Variants in ERC2 observed in about 807,000 individuals in gnomAD.
The protein encoded by ERC2 is ERC protein 2.
A neutral mutation model predicts 114.8 loss-of-function variants in ERC2; 42 were observed. The ratio of observed to expected loss-of-function variants is 0.37; its 90% CI spans 0.29 to 0.47. The LOEUF is 0.47. Ranked by LOEUF, ERC2 falls within the 20% of genes least tolerant of loss-of-function variation. ERC2 has a pLI of 0.99. For missense variants in ERC2, 939 were observed against 1,150.7 expected (o/e 0.82, Z 2.66); for synonymous variants, 454 against 425.5 (o/e 1.07, Z -0.82).
intron 13 of ERC2, among the ~76,000 whole-genome samples, chr3:55,928,934 T>C (rs1391948289): frequency 6.6e-6 from 1 of 152,200 alleles, no homozygotes; most frequent in Non-Finnish European, 1.5e-5. Flanking sequence ...TCTGGATCTA[T>C]TTCCAGGTTC....
chr3:56,353,341 C>T (rs1462354354), intron 2 of ERC2, among the ~76,000 whole-genome samples: 1 of 151,956 alleles, frequency 6.6e-6, no homozygotes, highest in Admixed American at 6.6e-5. Flanking sequence ...CACTTAAAAT[C>T]TAAAGTAATG....
rs78992002 is a variant in ERC2 at position 55,873,773 on chromosome 3, C to T, written c.2564+14616G>A. On this transcript the variant is annotated intron_variant, in intron 14 of 17. Transcript: ENST00000288221. ...TATGGACAAACTCCCCTTGACCCCA[C>T]CCACCATCCCCACCCCTTCACCTAA... 0.033 allele frequency among the ~76,000 whole-genome samples: 4,984 copies of T among 152,142 alleles called. 523 individuals are homozygous for T. The East Asian group carries it at 0.37, about 11-fold the overall frequency.
intron 10 of ERC2, among the ~76,000 whole-genome samples, chr3:55,992,488 T>A (rs1303076358): frequency 6.6e-6 from 1 of 152,226 alleles, no homozygotes; most frequent in Non-Finnish European, 1.5e-5. Flanking sequence ...ATTGATATTT[T>A]GTTCCATTAA....
chr3:55,948,137 A>G (rs369083438), intron 13 of ERC2, among the ~76,000 whole-genome samples: 36 of 152,300 alleles, frequency 2.4e-4, no homozygotes, highest in African/African-American at 7.7e-4. Context: ...CTTTCATACC[A>G]ACTAGTTGAA....
chr3:56,104,304 C>T (rs1034432429), intron 6 of ERC2, among the ~76,000 whole-genome samples: 4 of 152,218 alleles, frequency 2.6e-5, no homozygotes, highest in African/African-American at 7.2e-5. Context: ...TCGCAACTCT[C>T]TTCAAGACCC....
rs1362341853 is a variant in ERC2, at chr3:56,080,811, A to G, written c.1641+6T>C. 6.2e-7 allele frequency: 1 copy of G among 1,612,652 alleles called. No individual in the cohort carries two copies. Among genetic ancestry groups the G allele is most frequent in the East Asian group, 2.2e-5 (1 of 44,866 alleles). On this transcript the variant is annotated splice_donor_region_variant and intron_variant, in intron 7 of 17. Transcript: ENST00000288221. ...CCCACTTGAAGGTCTTATGTCAGCT[A>G]CTCACCTTTTTCTGAAGAACATTGA...
chr3:56,308,206 T>C (rs972897016), intron 2 of ERC2, among the ~76,000 whole-genome samples: 1 of 152,156 alleles, frequency 6.6e-6, no homozygotes, highest in African/African-American at 2.4e-5. Context: ...TGCAATCACA[T>C]CATTAGCAGA....
intron 17 of ERC2, among the ~76,000 whole-genome samples, chr3:55,664,462 G>A (rs2061272169): frequency 1.3e-5 from 2 of 152,154 alleles, no homozygotes; most frequent in Non-Finnish European, 1.5e-5. Context: ...GGCACAGAGG[G>A]CACCCCCACT....
intron 6 of ERC2, among the ~76,000 whole-genome samples, chr3:56,125,133 G>A (rs2149870751): frequency 6.6e-6 from 1 of 152,186 alleles, no homozygotes; most frequent in South Asian, 2.1e-4. Flanking sequence ...ATCTGCTTCA[G>A]CCTGGAGAAA....
At chr3:56,207,180 C>T (rs1026469221) in intron 3 of ERC2, among the ~76,000 whole-genome samples, 2 of 151,338 alleles carry the variant, frequency 1.3e-5, no homozygotes, top group African/African-American at 4.9e-5. Flanking sequence ...AATATGTTTG[C>T]TGTGGGCATC....
intron 4 of ERC2, among the ~76,000 whole-genome samples, chr3:56,150,927 C>T (rs2081380526): frequency 6.6e-6 from 1 of 151,880 alleles, no homozygotes; most frequent in Admixed American, 6.6e-5. Flanking sequence ...GGGATTAGAG[C>T]CCTTATAAGA....
chr3:56,010,508 C>G lies in ERC2; in HGVS notation c.1861G>C (p.Glu621Gln), dbSNP rs200893263. The change falls in exon 9 of 18, where the codon GAG becomes CAG. Residue 621 changes from glutamate (E) to glutamine (Q), a missense_variant. This residue lies in a region of ERC2 where 149 missense variants were observed against 254.6 expected (regional missense o/e 0.59). Transcript: ENST00000288221. ...RLEEIESFRKENKDLKEKVNA... is the reference protein window; with the variant it reads ...RLEEIESFRKQNKDLKEKVNA... ...ACCTTCTCTTTCAGGTCTTTGTTCT[C>G]TTTTCGGAAGGATTCTATCTCTTCT... 1.7e-5 allele frequency: 28 copies of G among 1,613,584 alleles called. No individual in the cohort carries two copies. The highest frequency in any genetic ancestry group is 2.2e-5 in the Non-Finnish European group (26 of 1,179,738).
intron 3 of ERC2, among the ~76,000 whole-genome samples, chr3:56,229,862 CTTTTTTTTTTTTTT>C (rs34357962): frequency 7.1e-5 from 4 of 56,632 alleles, no homozygotes; most frequent in South Asian, 8.2e-4. Flanking sequence ...AATATCTAGT[CTTTTTTTTTTTTTT>C]TTTTTTTTTT....
At chr3:55,936,142 G>A (rs1318388280) in intron 13 of ERC2, among the ~76,000 whole-genome samples, 2 of 152,062 alleles carry the variant, frequency 1.3e-5, no homozygotes, top group African/African-American at 4.8e-5. Flanking sequence ...GCTCTCTCCC[G>A]AGCCCCCTGC....
intron 6 of ERC2, among the ~76,000 whole-genome samples, chr3:56,133,022 A>G (rs1224387490): frequency 1.3e-5 from 2 of 152,226 alleles, no homozygotes; most frequent in Non-Finnish European, 2.9e-5. Context: ...TAAGCCTCAG[A>G]GTTATTCATT....
At chr3:56,461,354 G>C (rs527982093) in intron 1 of ERC2, among the ~76,000 whole-genome samples, 1 of 152,272 alleles carries the variant, frequency 6.6e-6, no homozygotes, top group East Asian at 1.9e-4. Context: ...TTTACTTCTT[G>C]GTCTATATGT....
At chr3:55,668,957 T>G (rs1257830979) in intron 17 of ERC2, among the ~76,000 whole-genome samples, 1 of 152,218 alleles carries the variant, frequency 6.6e-6, no homozygotes, top group Non-Finnish European at 1.5e-5. Flanking sequence ...TAAGTATTAG[T>G]TAAGTGCTAC....
chr3:56,212,959 A>T lies in ERC2; in HGVS notation c.1075-39439T>A, dbSNP rs138567310. On this transcript the variant is annotated intron_variant, in intron 3 of 17. Coordinates refer to ENST00000288221, the MANE Select transcript of ERC2 (RefSeq NM_015576.3). ...AAACAAACATTCTATGTTCTCATTC[A>T]TAAGTGGGAGCTAAGCTGTGAGGAC... Among the ~76,000 whole-genome samples, 1,120 of 152,346 alleles carry T rather than the reference A, an allele frequency of 7.4e-3. 6 individuals carry two copies. The highest frequency in any genetic ancestry group is 0.015 in the Admixed American group (233 of 15,298).
At chr3:55,804,193 C>T (rs545281558) in intron 14 of ERC2, among the ~76,000 whole-genome samples, 156 of 152,306 alleles carry the variant, frequency 1.0e-3, no homozygotes, top group Non-Finnish European at 1.9e-3. Flanking sequence ...GAATCCCTCT[C>T]ACATCCTCTT....
Sources: allele counts gnomAD v4.1 joint callset (sites outside exome capture counted in the v4.1 genomes callset), GRCh38; gene constraint gnomAD v4.1.1; regional missense constraint gnomAD v4.1.1; transcripts MANE v1.5; gene names NCBI Gene and HGNC (gene_info 2026-07-23, HGNC 2026-07-21).